Variants in PCDH15 observed in about 807,000 individuals in gnomAD.
The protein encoded by PCDH15 is protocadherin-15.
PCDH15 carries 129 observed loss-of-function variants against 178.5 expected under a neutral mutation model. That is an observed-to-expected ratio of 0.72 (90% CI 0.63 to 0.84). The LOEUF is 0.84. PCDH15 is among the 40% of genes least tolerant of loss of function. The probability of loss-of-function intolerance (pLI) is 0.00; values close to 1 mark genes in which losing one functional copy is unlikely to be tolerated. For synonymous variants in PCDH15, 800 were observed against 732.0 expected, an observed-to-expected ratio of 1.09 and a Z score of -1.50; for missense variants, 2,230 against 2,099.9, an observed-to-expected ratio of 1.06 and a Z score of -1.21.
intron 25 of PCDH15, among the ~76,000 whole-genome samples, chr10:53,918,393 A>C (rs1017532876): frequency 2.6e-5 from 4 of 152,194 alleles, no homozygotes; most frequent in African/African-American, 4.8e-5. Flanking sequence ...TTCTCTCCCT[A>C]GTTAAAACAA....
At chr10:54,922,112 C>A (rs764967521) in intron 2 of PCDH15, among the ~76,000 whole-genome samples, 1 of 152,118 alleles carries the variant, frequency 6.6e-6, no homozygotes, top group Non-Finnish European at 1.5e-5. Context: ...GAAAACAGAG[C>A]CAAACAATAT....
At chr10:55,009,237 A>G (rs1839997944) in intron 2 of PCDH15, among the ~76,000 whole-genome samples, 1 of 144,162 alleles carries the variant, frequency 6.9e-6, no homozygotes, top group African/African-American at 2.5e-5. Flanking sequence ...TTTTGTTTTA[A>G]TTGCACGCAC....
At chr10:54,037,360 A>G (rs2093439244) in intron 18 of PCDH15, among the ~76,000 whole-genome samples, 1 of 151,958 alleles carries the variant, frequency 6.6e-6, no homozygotes, top group African/African-American at 2.4e-5. Context: ...TTGTTGTCTT[A>G]TTTTAAGAAA....
chr10:53,809,542 T>C (rs1364709081), intron 37 of PCDH15: 1 of 1,606,888 alleles, frequency 6.2e-7, no homozygotes, highest in South Asian at 1.1e-5. Flanking sequence ...TTTCTTTGGC[T>C]CTTCCTGAAA....
At chr10:54,817,977 A>G (rs1266004802) in intron 3 of PCDH15, among the ~76,000 whole-genome samples, 1 of 152,018 alleles carries the variant, frequency 6.6e-6, no homozygotes, top group Non-Finnish European at 1.5e-5. Context: ...TAGGGAAGGG[A>G]CAATGTTTAA....
At chr10:54,696,420 C>T (rs145323441) in intron 1 of PCDH15, among the ~76,000 whole-genome samples, 5 of 152,100 alleles carry the variant, frequency 3.3e-5, no homozygotes, top group Admixed American at 2.0e-4. Context: ...AAAATCTATT[C>T]CTGGTGAAGA....
At chr10:54,030,990 G>T (rs1016026760) in intron 18 of PCDH15, among the ~76,000 whole-genome samples, 1 of 151,938 alleles carries the variant, frequency 6.6e-6, no homozygotes, top group Admixed American at 6.6e-5. Flanking sequence ...AGCTCATGTG[G>T]TGCAAGAAGA....
intron 4 of PCDH15, among the ~76,000 whole-genome samples, chr10:54,372,652 G>A (rs1481009470): frequency 6.6e-6 from 1 of 151,596 alleles, no homozygotes; most frequent in Non-Finnish European, 1.5e-5. Flanking sequence ...TTTCATAACT[G>A]GTGGCAAAAA....
intron 3 of PCDH15, among the ~76,000 whole-genome samples, chr10:54,826,589 A>G (rs942380468): frequency 2.6e-5 from 4 of 151,904 alleles, no homozygotes; most frequent in African/African-American, 9.7e-5. Context: ...AAGGAGTTGG[A>G]AAATCTAATT....
intron 2 of PCDH15, among the ~76,000 whole-genome samples, chr10:54,973,379 T>A (rs1430742779): frequency 6.6e-6 from 1 of 152,214 alleles, no homozygotes; most frequent in Non-Finnish European, 1.5e-5. Flanking sequence ...AGAGATTAAA[T>A]TTTTTAGGTT....
chr10:55,134,834 G>C (rs1305173112), intron 2 of PCDH15, among the ~76,000 whole-genome samples: 5 of 152,136 alleles, frequency 3.3e-5, no homozygotes, highest in African/African-American at 1.2e-4. Flanking sequence ...CCTTCTTAAA[G>C]TATAACTTTT....
At chr10:54,167,986 C>A (rs2046443963) in intron 13 of PCDH15, among the ~76,000 whole-genome samples, 1 of 151,144 alleles carries the variant, frequency 6.6e-6, no homozygotes, top group Non-Finnish European at 1.5e-5. Flanking sequence ...TCTCTCTTTT[C>A]TCTAGGCTTG....
At chr10:54,028,212 G>T (rs1434664111) in intron 18 of PCDH15, among the ~76,000 whole-genome samples, 2,270 of 149,052 alleles carry the variant, frequency 0.015, 51 homozygotes, top group African/African-American at 0.053. Flanking sequence ...GGCCATCAGA[G>T]AAATGCAAAT....
intron 3 of PCDH15, among the ~76,000 whole-genome samples, chr10:54,473,612 T>A (rs1219939042): frequency 1.3e-5 from 2 of 152,054 alleles, no homozygotes; most frequent in Non-Finnish European, 2.9e-5. Flanking sequence ...GCTTGCACAT[T>A]CAATATTAAA....
intron 2 of PCDH15, among the ~76,000 whole-genome samples, chr10:55,464,912 A>T (rs1434500548): frequency 6.6e-6 from 1 of 150,998 alleles, no homozygotes; most frequent in African/African-American, 2.4e-5. Flanking sequence ...GAAAAAAAAA[A>T]AAAAGAAACA....
intron 3 of PCDH15, among the ~76,000 whole-genome samples, chr10:54,896,208 G>A (rs1057177332): frequency 6.6e-6 from 1 of 152,062 alleles, no homozygotes; most frequent in Non-Finnish European, 1.5e-5. Flanking sequence ...AACAAAGTAG[G>A]TAAACATAAA....
intron 1 of PCDH15, among the ~76,000 whole-genome samples, chr10:55,189,850 T>A (rs931385839): frequency 6.6e-6 from 1 of 151,764 alleles, no homozygotes; most frequent in South Asian, 2.1e-4. Context: ...CTTAGAAAAA[T>A]TTTTATGGTA....
chr10:54,455,946 C>T (rs1214770916), intron 3 of PCDH15, among the ~76,000 whole-genome samples: 1 of 152,126 alleles, frequency 6.6e-6, no homozygotes, highest in African/African-American at 2.4e-5. Context: ...TGGTATTGGG[C>T]CTGCAGGTAC....
chr10:55,369,791 G>A (rs1845457465), intron 2 of PCDH15, among the ~76,000 whole-genome samples: 1 of 151,700 alleles, frequency 6.6e-6, no homozygotes. Flanking sequence ...ACATGTAATT[G>A]GTCAGCCAAT....
Sources: gnomAD v4.1 joint callset for allele counts (sites outside exome capture counted in the v4.1 genomes callset) on GRCh38, gnomAD v4.1.1 for gene constraint, MANE v1.5 for transcripts, NCBI Gene and HGNC (gene_info 2026-07-23, HGNC 2026-07-21) for gene names.